Variants in SHISAL1 observed in about 807,000 individuals in gnomAD.
The protein encoded by SHISAL1 is shisa like 1.
SHISAL1 carries 9 observed loss-of-function variants against 22.6 expected under a neutral mutation model. The ratio of observed to expected loss-of-function variants is 0.40; its 90% CI spans 0.24 to 0.70. The LOEUF is 0.70. Ranked by LOEUF, SHISAL1 falls within the 30% of genes least tolerant of loss-of-function variation. The pLI, the probability that SHISAL1 is intolerant of heterozygous loss-of-function variation, is 0.39. For missense variants in SHISAL1, 246 were observed against 270.6 expected (o/e 0.91, Z 0.64); for synonymous variants, 119 against 115.4 (o/e 1.03, Z -0.20).
At chr22:44,250,780 C>T (rs375843750) in intron 4 of SHISAL1, among the ~76,000 whole-genome samples, 2 of 152,172 alleles carry the variant, frequency 1.3e-5, no homozygotes, top group East Asian at 3.9e-4. Flanking sequence ...TGAACTACCC[C>T]CTTCATACCA....
chr22:44,278,460 G>C (rs2055254662), intron 4 of SHISAL1, among the ~76,000 whole-genome samples: 1 of 152,218 alleles, frequency 6.6e-6, no homozygotes, highest in Non-Finnish European at 1.5e-5. Flanking sequence ...CCTTTATGGT[G>C]GAAAATGAAG....
rs1240178827 is a variant in SHISAL1, at chr22:44,246,230, C to G, written c.*3455G>C. On this transcript the variant is annotated 3_prime_UTR_variant, in exon 5 of 5. Transcript: ENST00000381176. ...ACACAACAATCACACCGTACACAGA[C>G]GAGAGGGAAAGCATAAAACTGCTCA... 1.3e-5 allele frequency: 2 copies of G among 152,086 alleles called. No individual in the cohort carries two copies. The highest frequency in any genetic ancestry group is 3.9e-4 in the East Asian group (2 of 5,192). 9.4% of individuals were successfully genotyped at this position (152,086 alleles called of 1,614,324 possible).
At chr22:44,309,077 C>A (rs2055499418) in intron 1 of SHISAL1, among the ~76,000 whole-genome samples, 2 of 152,202 alleles carry the variant, frequency 1.3e-5, no homozygotes, top group African/African-American at 4.8e-5. Flanking sequence ...GCCCATGGGG[C>A]CTGGCTCAAG....
chr22:44,255,873 T>C (rs1422821496), intron 4 of SHISAL1, among the ~76,000 whole-genome samples: 2 of 152,308 alleles, frequency 1.3e-5, no homozygotes, highest in South Asian at 2.1e-4. Flanking sequence ...GGCCACAGGG[T>C]GCCCTGATAT....
chr22:44,249,617 C>A lies in SHISAL1; in HGVS notation c.*68G>T. 1.3e-6 allele frequency: 1 copy of A among 776,242 alleles called. No individual in the cohort carries two copies. Among genetic ancestry groups the A allele is most frequent in the South Asian group, 1.3e-5 (1 of 74,278 alleles). 48.1% of individuals were successfully genotyped at this position (776,242 alleles called of 1,614,324 possible). A position where few individuals can be genotyped will look rare whatever the true frequency, so the allele number is the denominator to read the frequency against. On this transcript the variant is annotated 3_prime_UTR_variant, in exon 5 of 5. Transcript: ENST00000381176. ...CCCTGGCATCTCTGTAGAAGTTGTT[C>A]TTCTCGGAGGCTGCACCGGGTGCTT... is the stretch of plus-strand genomic sequence containing the variant.
intron 4 of SHISAL1, among the ~76,000 whole-genome samples, chr22:44,257,708 A>G (rs1292532037): frequency 2.0e-5 from 3 of 152,228 alleles, no homozygotes; most frequent in African/African-American, 7.2e-5. Flanking sequence ...ACACCTGTGA[A>G]AGGGACTCGC....
At chr22:44,320,384 T>G in the SHISAL1 span, among the ~76,000 whole-genome samples, 1 of 152,108 alleles carries the variant, frequency 6.6e-6, no homozygotes, top group Admixed American at 6.5e-5. Flanking sequence ...GCAGCAGGCA[T>G]TGGGGATAAG....
chr22:44,302,931 G>A (rs1249731668), intron 1 of SHISAL1, among the ~76,000 whole-genome samples: 1 of 127,568 alleles, frequency 7.8e-6, no homozygotes, highest in Non-Finnish European at 1.6e-5. Flanking sequence ...GCAGTGAGGA[G>A]GCAGCAGGGG....
chr22:44,283,518 T>A (rs994037217), intron 4 of SHISAL1, among the ~76,000 whole-genome samples: 12 of 151,978 alleles, frequency 7.9e-5, no homozygotes, highest in African/African-American at 2.9e-4. Flanking sequence ...CTGGGCAGGA[T>A]GAGATCGGGG....
At chr22:44,272,697 G>A (rs1364842525) in intron 4 of SHISAL1, among the ~76,000 whole-genome samples, 1 of 152,194 alleles carries the variant, frequency 6.6e-6, no homozygotes, top group Non-Finnish European at 1.5e-5. Flanking sequence ...GAAGGGCCAG[G>A]AGCTGCAAAG....
At chr22:44,323,368 A>ATACATCCATCCACCAT in the SHISAL1 span, among the ~76,000 whole-genome samples, 1 of 109,516 alleles carries the variant, frequency 9.1e-6, no homozygotes, top group African/African-American at 3.7e-5. Context: ...GCATCCATCC[A>ATACATCCATCCACCAT]CCATCCATCC....
At chr22:44,293,982 T>C (rs576010193) in intron 3 of SHISAL1, among the ~76,000 whole-genome samples, 1 of 152,304 alleles carries the variant, frequency 6.6e-6, no homozygotes, top group East Asian at 1.9e-4. Flanking sequence ...TTATAGAAAC[T>C]TGTGGGCTTC....
At chr22:44,294,707 C>G (rs868149234) in intron 3 of SHISAL1, among the ~76,000 whole-genome samples, 3 of 152,010 alleles carry the variant, frequency 2.0e-5, no homozygotes, top group African/African-American at 7.2e-5. Context: ...CTAAGAGAAT[C>G]AACTGAAAAA....
At chr22:44,327,598 T>C in the SHISAL1 span, among the ~76,000 whole-genome samples, 1 of 152,068 alleles carries the variant, frequency 6.6e-6, no homozygotes, top group Non-Finnish European at 1.5e-5. Flanking sequence ...TGGGTCTCAG[T>C]GACCTTGGAG....
chr22:44,317,389 G>A (rs1340843838), upstream of SHISAL1, among the ~76,000 whole-genome samples: 1 of 152,204 alleles, frequency 6.6e-6, no homozygotes, highest in Non-Finnish European at 1.5e-5. Flanking sequence ...GCTGGACAGC[G>A]AGGGAAACAG....
the SHISAL1 span, among the ~76,000 whole-genome samples, chr22:44,326,131 G>A: frequency 1.3e-5 from 2 of 152,012 alleles, no homozygotes; most frequent in East Asian, 1.9e-4. Context: ...AGCTGCACAC[G>A]TACAATTCTC....
upstream of SHISAL1, among the ~76,000 whole-genome samples, chr22:44,317,650 G>A (rs1466539943): frequency 6.6e-6 from 1 of 152,160 alleles, no homozygotes; most frequent in Non-Finnish European, 1.5e-5. Flanking sequence ...TTCCCATGGG[G>A]GCCGAACCCC....
intron 4 of SHISAL1, among the ~76,000 whole-genome samples, chr22:44,269,181 T>A (rs1377600148): frequency 7.1e-6 from 1 of 140,336 alleles, no homozygotes; most frequent in Non-Finnish European, 1.5e-5. Flanking sequence ...CAATATCACA[T>A]ACATATGCCA....
chr22:44,268,379 A>G (rs1302795123), intron 4 of SHISAL1, among the ~76,000 whole-genome samples: 1 of 152,340 alleles, frequency 6.6e-6, no homozygotes, highest in East Asian at 1.9e-4. Flanking sequence ...GCCCCTGGTC[A>G]GCACCTCCAT....
Sources: allele counts gnomAD v4.1 joint callset (sites outside exome capture counted in the v4.1 genomes callset), GRCh38; gene constraint gnomAD v4.1.1; transcripts MANE v1.5; gene names NCBI Gene and HGNC (gene_info 2026-07-23, HGNC 2026-07-21).